Variants in MYOF observed in about 807,000 individuals in gnomAD.
MYOF encodes the protein fer-1-like 3, myoferlin.
A neutral mutation model predicts 284.2 loss-of-function variants in MYOF; 244 were observed. The ratio of observed to expected loss-of-function variants is 0.86; its 90% CI spans 0.77 to 0.95. MYOF has a LOEUF of 0.95. MYOF is among the 40% of genes least tolerant of loss of function. The probability of loss-of-function intolerance (pLI) is 0.00; values close to 1 mark genes in which losing one functional copy is unlikely to be tolerated. For missense variants in MYOF, 2,496 were observed against 2,560.6 expected (o/e 0.97, Z 0.54); for synonymous variants, 904 against 919.7 (o/e 0.98, Z 0.31).
At chr10:93,418,057 C>A (rs1056713945) in intron 5 of MYOF, among the ~76,000 whole-genome samples, 23 of 152,222 alleles carry the variant, frequency 1.5e-4, no homozygotes, top group African/African-American at 5.1e-4. Flanking sequence ...CTGCCTCGGC[C>A]TCCCAAAGTC....
intron 25 of MYOF, 98 bp downstream of exon 25, chr10:93,369,547 G>T: frequency 6.6e-7 from 1 of 1,526,234 alleles, no homozygotes; most frequent in Middle Eastern, 1.8e-4. Context: ...GGAGGGCTGT[G>T]GTTGTTTTTG....
intron 44 of MYOF, 60 bp downstream of exon 44, chr10:93,329,604 C>G: frequency 1.3e-6 from 2 of 1,593,662 alleles, no homozygotes; most frequent in Middle Eastern, 2.2e-4. Context: ...GGGCCTAGGC[C>G]TCCCCAGGTG....
chr10:93,342,087 C>T, intron 38 of MYOF: 1 of 578,622 alleles, frequency 1.7e-6, no homozygotes, highest in Non-Finnish European at 2.7e-6. Context: ...TAGTGCTCAG[C>T]CCATTTGTTA....
intron 30 of MYOF, among the ~76,000 whole-genome samples, 160 bp downstream of exon 30, chr10:93,356,515 T>G (rs559882212): frequency 1.7e-3 from 257 of 152,308 alleles, no homozygotes; most frequent in Admixed American, 5.8e-3. Context: ...CACGAGGTAT[T>G]GAGCACCCAG....
At chr10:93,410,517 C>T (rs562884991) in intron 5 of MYOF, among the ~76,000 whole-genome samples, 37 of 152,234 alleles carry the variant, frequency 2.4e-4, no homozygotes, top group African/African-American at 7.0e-4. Context: ...CTGGGGGTTC[C>T]GTCTCTATTG....
At chr10:93,397,718 A>T (rs142885947) in intron 13 of MYOF, among the ~76,000 whole-genome samples, 215 of 151,968 alleles carry the variant, frequency 1.4e-3, no homozygotes, top group Non-Finnish European at 2.3e-3. Flanking sequence ...TTAATGTAAA[A>T]AAGCAAGAGA....
intron 36 of MYOF, among the ~76,000 whole-genome samples, 164 bp from the exon 37 acceptor site, chr10:93,347,946 C>T (rs967670414): frequency 6.6e-6 from 1 of 152,212 alleles, no homozygotes; most frequent in Non-Finnish European, 1.5e-5. Flanking sequence ...TGCTTAAGAG[C>T]GTGAGCTGTC....
intron 51 of MYOF, 36 bp downstream of exon 51, chr10:93,312,984 A>T: frequency 6.4e-7 from 1 of 1,571,322 alleles, no homozygotes; most frequent in Non-Finnish European, 8.6e-7. Flanking sequence ...TAAAAGGCAT[A>T]AACGATTTTC....
At chr10:93,472,748 T>C (rs1002121510) in intron 1 of MYOF, among the ~76,000 whole-genome samples, 1 of 152,238 alleles carries the variant, frequency 6.6e-6, no homozygotes, top group Non-Finnish European at 1.5e-5. Context: ...AAGAACCTAC[T>C]TTGGCAATGC....
chr10:93,391,885 T>C (rs766584905), intron 17 of MYOF, among the ~76,000 whole-genome samples: 7 of 152,236 alleles, frequency 4.6e-5, no homozygotes, highest in Non-Finnish European at 8.8e-5. Context: ...CTGTATGTTT[T>C]AGTTTCTAGA....
At chr10:93,316,638 T>G in intron 50 of MYOF, 76 bp downstream of exon 50, 1 of 1,315,948 alleles carries the variant, frequency 7.6e-7, no homozygotes. Context: ...TTTAAAGAAT[T>G]GCTTCCAAGT....
intron 2 of MYOF, among the ~76,000 whole-genome samples, chr10:93,454,973 T>C (rs1409229560): frequency 2.5e-5 from 3 of 119,182 alleles, no homozygotes; most frequent in African/African-American, 6.5e-5. Context: ...AGCGAGACCC[T>C]GTCTTTTTTT....
chr10:93,443,429 C>T (rs1229375257), intron 3 of MYOF, among the ~76,000 whole-genome samples: 1 of 150,514 alleles, frequency 6.6e-6, no homozygotes, highest in African/African-American at 2.4e-5. Context: ...TCTGTCTCTC[C>T]TCTCTCTTCT....
chr10:93,368,606 A>G (rs1362056488), intron 25 of MYOF, among the ~76,000 whole-genome samples: 1 of 152,246 alleles, frequency 6.6e-6, no homozygotes, highest in East Asian at 1.9e-4. Flanking sequence ...TTGGGTGGAC[A>G]GTAGGACAGA....
intron 22 of MYOF, among the ~76,000 whole-genome samples, chr10:93,375,640 G>A (rs944272572): frequency 6.6e-6 from 1 of 152,210 alleles, no homozygotes; most frequent in Middle Eastern, 3.2e-3. Context: ...GAAATGAGTT[G>A]CTGTATGGAA....
At chr10:93,336,097 C>G in intron 40 of MYOF, 51 bp from the exon 41 acceptor site, 1 of 1,589,734 alleles carries the variant, frequency 6.3e-7, no homozygotes, top group South Asian at 1.2e-5. Flanking sequence ...CAGGTAAGGT[C>G]TAAAATCAAA....
Position 93,366,537 on chromosome 10 carries a change from T to G in MYOF, c.2608A>C (p.Met870Leu), listed in dbSNP as rs764871330. The G allele has an allele frequency of 8.1e-6, 13 of 1,606,358 alleles. No individual in the cohort carries two copies. The South Asian group carries it at 1.3e-4, about 17-fold the overall frequency. The part of the protein sequence containing the change: ...FAEMYENQAL[M>L]FGKWGTSGLV... ...CCAGAAGTACCCCATTTTCCAAACA[T>G]GAGAGCTTGATTTTCATACTATTAA... Residue 870 changes from methionine to leucine, a missense_variant, in exon 26 of 54, where the codon ATG becomes CTG. Coordinates refer to ENST00000359263, the MANE Select transcript of MYOF (RefSeq NM_013451.4).
In MYOF at chr10:93,333,763, C is replaced by T. The variant is rs772929504; in HGVS notation, c.4714G>A (p.Gly1572Ser). The change falls in exon 42 of 54, where the codon GGC (glycine) becomes AGC (serine). Residue 1572 changes from glycine to serine, a missense_variant. Gly to Ser is a moderately conservative substitution (Grantham distance 56). Around this residue, in one of 3 missense-constraint regions of MYOF, gnomAD observed 2,436 missense variants for 2,480.7 expected, o/e 0.98. Coordinates refer to ENST00000359263, the MANE Select transcript of MYOF (RefSeq NM_013451.4). The part of the protein sequence containing the change: ...GLELQPQDNN[G>S]LCDPYIKITL... ...CCCCACACCCAAACTCTTACCAGGC[C>T]ATTGTTGTCCTGGGGCTGGAGCTCT... The T allele has an allele frequency of 6.2e-7, 1 of 1,614,066 alleles. No individual in the cohort carries two copies. Among genetic ancestry groups the T allele is most frequent in the Non-Finnish European group, 8.5e-7 (1 of 1,179,954 alleles).
chr10:93,410,841 C>A (rs1017071609), intron 5 of MYOF, among the ~76,000 whole-genome samples: 2 of 152,206 alleles, frequency 1.3e-5, no homozygotes, highest in Admixed American at 1.3e-4. Context: ...ACCTGTCAGT[C>A]ATTCACATCC....
Sources: allele counts gnomAD v4.1 joint callset (sites outside exome capture counted in the v4.1 genomes callset), GRCh38; gene constraint gnomAD v4.1.1; regional missense constraint gnomAD v4.1.1; transcripts MANE v1.5; gene names NCBI Gene and HGNC (gene_info 2026-07-23, HGNC 2026-07-21).